MYT1L: variants seen among roughly 807,000 people sequenced by gnomAD.
MYT1L encodes the protein myelin transcription factor 1-like protein.
Under a neutral mutation model 126.7 loss-of-function variants are expected in MYT1L, and 12 were observed. That is an observed-to-expected ratio of 0.09 (90% CI 0.06 to 0.15). The LOEUF (loss-of-function observed/expected upper bound fraction) is 0.15, where lower values mean the gene tolerates loss of function less well. MYT1L is among the 10% of genes least tolerant of loss of function. The pLI, the probability that MYT1L is intolerant of heterozygous loss-of-function variation, is 1.00. For missense variants in MYT1L, 979 were observed against 1,585.2 expected (o/e 0.62, Z 6.49); for synonymous variants, 541 against 604.2 (o/e 0.90, Z 1.53).
At chr2:1,935,153 A>G (rs550978833) in intron 9 of MYT1L, among the ~76,000 whole-genome samples, 1 of 152,334 alleles carries the variant, frequency 6.6e-6, no homozygotes, top group East Asian at 1.9e-4. Flanking sequence ...CAAATACTTA[A>G]AGCCTCCACC....
intron 21 of MYT1L, among the ~76,000 whole-genome samples, chr2:1,809,425 C>T (rs1166980507): frequency 1.3e-5 from 2 of 151,546 alleles, no homozygotes; most frequent in African/African-American, 4.8e-5. Context: ...GGCGGGGGGT[C>T]TTGGGAGCTG....
intron 1 of MYT1L, among the ~76,000 whole-genome samples, chr2:2,305,737 A>G (rs905235760): frequency 3.9e-5 from 6 of 152,196 alleles, no homozygotes; most frequent in African/African-American, 1.4e-4. Flanking sequence ...AAGCAGGTGC[A>G]TCTTCACGTG....
intron 3 of MYT1L, among the ~76,000 whole-genome samples, chr2:2,070,795 T>G (rs1047500607): frequency 3.3e-5 from 5 of 152,216 alleles, no homozygotes; most frequent in African/African-American, 1.2e-4. Context: ...GCCCAGGACA[T>G]CAATATCGGC....
intron 2 of MYT1L, among the ~76,000 whole-genome samples, chr2:2,200,258 C>T (rs751148048): frequency 2.0e-5 from 3 of 152,138 alleles, no homozygotes; most frequent in East Asian, 1.9e-4. Flanking sequence ...ATTAATGCAA[C>T]GTTATTCCTA....
In MYT1L at chr2:1,930,433, CCTT is replaced by C. The variant is rs377287476; in HGVS notation, c.506-7173_506-7171del. Among the ~76,000 whole-genome samples, 366 of 152,332 alleles carry C rather than the reference CCTT, an allele frequency of 2.4e-3. 1 individual carries two copies. The highest frequency in any genetic ancestry group is 8.3e-3 in the African/African-American group (345 of 41,570). On this transcript the variant is annotated intron_variant, in intron 9 of 24. Coordinates refer to ENST00000647738, the MANE Select transcript of MYT1L (RefSeq NM_001303052.2). ...ACATAATCTGATTCCACCTTGATCT[CCTT>C]TTTTCTTTCTCTTCTAAACCACAGG...
chr2:2,251,498 C>T (rs117171590), intron 2 of MYT1L, among the ~76,000 whole-genome samples: 1 of 152,266 alleles, frequency 6.6e-6, no homozygotes, highest in East Asian at 1.9e-4. Flanking sequence ...CACCTCCTGC[C>T]CCACTCCAGC....
chr2:2,289,303 C>T (rs2095565356), intron 1 of MYT1L, among the ~76,000 whole-genome samples: 1 of 152,118 alleles, frequency 6.6e-6, no homozygotes, highest in Non-Finnish European at 1.5e-5. Context: ...CTCAAGCTTA[C>T]CTATTTATAA....
chr2:2,009,314 CAA>C (rs1372415957), intron 4 of MYT1L, among the ~76,000 whole-genome samples: 1 of 152,044 alleles, frequency 6.6e-6, no homozygotes, highest in African/African-American at 2.4e-5. Context: ...GACATTTTAA[CAA>C]TACTAATTCT....
At chr2:2,259,706 G>A (rs1419707163) in intron 2 of MYT1L, among the ~76,000 whole-genome samples, 4 of 152,146 alleles carry the variant, frequency 2.6e-5, no homozygotes, top group African/African-American at 4.8e-5. Context: ...TCCAGGGAGT[G>A]CTAATCCCCC....
chr2:2,028,565 A>G (rs1227534586), intron 4 of MYT1L, among the ~76,000 whole-genome samples: 1 of 152,164 alleles, frequency 6.6e-6, no homozygotes, highest in East Asian at 1.9e-4. Flanking sequence ...ATTTTAGAGG[A>G]AATTAAAAAA....
chr2:1,887,777 C>CT lies in MYT1L; in HGVS notation c.2521-169dup, dbSNP rs2048340807. The stretch of plus-strand genomic sequence containing the variant: ...GCCCCTACTGAAAATGCATATTGAA[C>CT]TTTTCTTCCACTGCTCTAAACTCCT... On this transcript the variant is annotated intron_variant, in intron 16 of 24. Coordinates refer to ENST00000647738, the MANE Select transcript of MYT1L (RefSeq NM_001303052.2). This position sits in a 1 kb window ranked among gnomAD's most constrained non-coding sequence, Gnocchi z 4.8. Among the ~76,000 whole-genome samples the CT allele has an allele frequency of 1.3e-5, 2 of 152,180 alleles. 1 individual carries two copies. The highest frequency in any genetic ancestry group is 1.3e-4 in the Admixed American group (2 of 15,286).
At chr2:2,051,438 T>C (rs755106309) in intron 4 of MYT1L, among the ~76,000 whole-genome samples, 20 of 152,196 alleles carry the variant, frequency 1.3e-4, no homozygotes, top group African/African-American at 3.6e-4. Flanking sequence ...TGTGGATTCA[T>C]TGAGATGTGA....
chr2:1,975,101 G>A (rs180837440), intron 8 of MYT1L, among the ~76,000 whole-genome samples: 15 of 151,558 alleles, frequency 9.9e-5, no homozygotes, highest in South Asian at 8.5e-4. Context: ...TCTTTCCCAG[G>A]TATTAAGCAC....
intron 18 of MYT1L, among the ~76,000 whole-genome samples, chr2:1,880,103 C>T (rs1176931810): frequency 2.0e-5 from 3 of 152,182 alleles, no homozygotes; most frequent in African/African-American, 7.2e-5. Context: ...CTCCCTACCT[C>T]TGAGTTCAAT....
At chr2:2,024,391 T>C (rs2065322748) in intron 4 of MYT1L, among the ~76,000 whole-genome samples, 1 of 152,258 alleles carries the variant, frequency 6.6e-6, no homozygotes, top group Non-Finnish European at 1.5e-5. Flanking sequence ...TTGCTCTTTC[T>C]GGCATTTGGT....
At chr2:2,076,938 A>C (rs1437274977) in intron 3 of MYT1L, among the ~76,000 whole-genome samples, 2 of 152,194 alleles carry the variant, frequency 1.3e-5, no homozygotes, top group African/African-American at 4.8e-5. Flanking sequence ...ACTGTCTGAA[A>C]AATTCAAAGG....
chr2:1,808,940 G>A (rs1334510870), intron 22 of MYT1L, 136 bp downstream of exon 22: 5 of 749,784 alleles, frequency 6.7e-6, no homozygotes, highest in Non-Finnish European at 9.0e-6. Flanking sequence ...CTTTATAGAT[G>A]AGAGGGCCAG....
chr2:2,179,468 T>C (rs950979575), intron 2 of MYT1L, among the ~76,000 whole-genome samples: 13 of 152,240 alleles, frequency 8.5e-5, no homozygotes, highest in African/African-American at 3.1e-4. Context: ...CTGTTGTGGA[T>C]GCCTCTGACC....
At chr2:2,020,099 C>G (rs1400705154) in intron 4 of MYT1L, among the ~76,000 whole-genome samples, 3 of 152,160 alleles carry the variant, frequency 2.0e-5, no homozygotes, top group Non-Finnish European at 4.4e-5. Flanking sequence ...CCCAGCTCAG[C>G]CTCCCAAAGT....
Sources: allele counts gnomAD v4.1 joint callset (sites outside exome capture counted in the v4.1 genomes callset), GRCh38; gene constraint gnomAD v4.1.1; non-coding constraint Gnocchi (gnomAD v3.1); transcripts MANE v1.5; gene names NCBI Gene and HGNC (gene_info 2026-07-23, HGNC 2026-07-21).